Variants in TLE1 observed in about 807,000 individuals in gnomAD.
The protein encoded by TLE1 is transducin-like enhancer protein 1.
In TLE1, 21 loss-of-function variants were observed where a neutral mutation model predicts 89.8. The observed-to-expected ratio is 0.23, with a 90% CI of 0.17 to 0.34. TLE1 has a LOEUF of 0.34. TLE1 is among the 10% of genes least tolerant of loss of function. The pLI, the probability that TLE1 is intolerant of heterozygous loss-of-function variation, is 1.00. For synonymous variants in TLE1, 447 were observed against 407.6 expected (o/e 1.10, Z -1.16); for missense variants, 795 against 1,031.2 (o/e 0.77, Z 3.14).
intron 5 of TLE1, among the ~76,000 whole-genome samples, chr9:81,652,705 T>C (rs907137347): frequency 6.6e-5 from 10 of 152,188 alleles, no homozygotes; most frequent in African/African-American, 2.4e-4. Flanking sequence ...TCCCAGCACT[T>C]TGGGAGGCCA....
chr9:81,653,829 G>T, intron 5 of TLE1, 145 bp downstream of exon 5: 1 of 672,440 alleles, frequency 1.5e-6, no homozygotes, highest in Non-Finnish European at 2.6e-6. Context: ...GTGTTGGATA[G>T]ACTAGCAGGG....
chr9:81,642,756 A>G (rs909935960), intron 6 of TLE1, among the ~76,000 whole-genome samples: 14 of 152,154 alleles, frequency 9.2e-5, no homozygotes, highest in Admixed American at 7.9e-4. Context: ...TGAAATCAGT[A>G]TATCAAAGAT....
chr9:81,615,119 A>ACG (rs1158580045), intron 11 of TLE1, among the ~76,000 whole-genome samples: 3 of 81,308 alleles, frequency 3.7e-5, no homozygotes, highest in African/African-American at 5.5e-5. Flanking sequence ...AAAAAAAAAA[A>ACG]AAGAAGAAGA....
In TLE1 at chr9:81,688,633, G is replaced by A. The variant is rs1025307795; in HGVS notation, c.-393C>T. ...TCGGCGATCCGCGTGCGCGGCGCCA[G>A]TCCTGGGCAAACAAATCCAGACGGA... On this transcript the variant is annotated 5_prime_UTR_variant, in exon 1 of 20. Transcript: ENST00000376499. 1.4e-5 allele frequency: 3 copies of A among 214,224 alleles called. No individual in the cohort carries two copies. Among genetic ancestry groups the A allele is most frequent in the Non-Finnish European group, 2.7e-5 (3 of 109,460 alleles). 13.3% of individuals were successfully genotyped at this position (214,224 alleles called of 1,614,324 possible).
At chr9:81,666,906 G>A (rs952878700) in intron 4 of TLE1, among the ~76,000 whole-genome samples, 6 of 152,014 alleles carry the variant, frequency 3.9e-5, no homozygotes, top group African/African-American at 1.4e-4. Flanking sequence ...TCACCGCAGA[G>A]CAGGAGTTCA....
intron 4 of TLE1, among the ~76,000 whole-genome samples, chr9:81,656,783 A>G (rs1024518099): frequency 2.6e-5 from 4 of 152,244 alleles, no homozygotes; most frequent in African/African-American, 9.6e-5. Context: ...TACTATTGAC[A>G]CCAGTGAATA....
chr9:81,664,189 T>C (rs1287574631), intron 4 of TLE1, among the ~76,000 whole-genome samples: 2 of 151,022 alleles, frequency 1.3e-5, no homozygotes, highest in African/African-American at 2.4e-5. Flanking sequence ...TTGGGCGGGA[T>C]GGATCACTTG....
At chr9:81,584,847 G>C (rs928099262) in intron 18 of TLE1, among the ~76,000 whole-genome samples, 7 of 152,048 alleles carry the variant, frequency 4.6e-5, no homozygotes, top group African/African-American at 1.7e-4. Flanking sequence ...GATAAAATGG[G>C]ATTAAAGATT....
chr9:81,658,401 C>A (rs1315909824), intron 4 of TLE1, among the ~76,000 whole-genome samples: 1 of 152,002 alleles, frequency 6.6e-6, no homozygotes, highest in African/African-American at 2.4e-5. Context: ...GAAAGCCATA[C>A]CATATGTCCT....
chr9:81,602,111 G>A (rs1831006306), intron 14 of TLE1, among the ~76,000 whole-genome samples: 1 of 152,196 alleles, frequency 6.6e-6, no homozygotes, highest in South Asian at 2.1e-4. Flanking sequence ...ACTCAAGTGG[G>A]CTTTGAAGGA....
At chr9:81,676,303 C>T (rs945917980) in intron 4 of TLE1, among the ~76,000 whole-genome samples, 1 of 152,152 alleles carries the variant, frequency 6.6e-6, no homozygotes, top group African/African-American at 2.4e-5. Context: ...TTCAAGCAGA[C>T]TGCAACCTAG....
At chr9:81,596,155 T>C (rs550433968) in intron 14 of TLE1, among the ~76,000 whole-genome samples, 1 of 152,318 alleles carries the variant, frequency 6.6e-6, no homozygotes, top group East Asian at 1.9e-4. Context: ...TGCTGATCTT[T>C]GGAAGACACC....
intron 6 of TLE1, among the ~76,000 whole-genome samples, chr9:81,649,511 C>T (rs10867792): frequency 1.3e-5 from 2 of 152,044 alleles, no homozygotes; most frequent in African/African-American, 2.4e-5. Context: ...GAGAATGTTT[C>T]GGCTCATTTG....
chr9:81,635,469 A>G (rs932941736), intron 6 of TLE1, among the ~76,000 whole-genome samples: 20 of 152,316 alleles, frequency 1.3e-4, no homozygotes, highest in African/African-American at 2.2e-4. Context: ...TTAAAAGCAC[A>G]TTGTATGAAA....
chr9:81,684,913 T>C (rs189470103), intron 4 of TLE1, among the ~76,000 whole-genome samples: 23 of 152,334 alleles, frequency 1.5e-4, no homozygotes, highest in South Asian at 4.1e-4. Context: ...TAGCTTTTCT[T>C]CTCTTATGAG....
chr9:81,673,312 C>CT (rs1306087468), intron 4 of TLE1, among the ~76,000 whole-genome samples: 74 of 138,968 alleles, frequency 5.3e-4, no homozygotes, highest in South Asian at 2.1e-3. Context: ...CCAACAAGTC[C>CT]TTTTTTTTTT....
chr9:81,650,632 C>A (rs1588122820), intron 6 of TLE1, among the ~76,000 whole-genome samples: 1 of 151,964 alleles, frequency 6.6e-6, no homozygotes, highest in East Asian at 1.9e-4. Context: ...AGGCAGCAGA[C>A]AAATGCAGAT....
intron 4 of TLE1, among the ~76,000 whole-genome samples, chr9:81,665,196 T>C (rs1455304767): frequency 6.6e-6 from 1 of 152,164 alleles, no homozygotes; most frequent in East Asian, 1.9e-4. Context: ...TAGGAACACA[T>C]TTGCCTTCTG....
At chr9:81,613,628 C>T (rs1398627840) in intron 11 of TLE1, 107 bp from the exon 12 acceptor site, 6 of 1,309,784 alleles carry the variant, frequency 4.6e-6, no homozygotes, top group Middle Eastern at 2.7e-4. Flanking sequence ...GCTACTCCCT[C>T]AGCCAATTTT....
Sources: allele counts gnomAD v4.1 joint callset (sites outside exome capture counted in the v4.1 genomes callset), GRCh38; gene constraint gnomAD v4.1.1; transcripts MANE v1.5; gene names NCBI Gene and HGNC (gene_info 2026-07-23, HGNC 2026-07-21).